The following RASGRF2 variants were observed in gnomAD, a reference collection of about 807,000 sequenced individuals.
RASGRF2 encodes the protein Ras protein specific guanine nucleotide releasing factor 2.
Under a neutral mutation model 151.0 loss-of-function variants are expected in RASGRF2, and 76 were observed. The observed-to-expected ratio is 0.50, with a 90% confidence interval of 0.42 to 0.61. The LOEUF is 0.61. Among genes scored for constraint, RASGRF2 ranks in the 20% least tolerant of loss-of-function variants. RASGRF2 has a pLI of 0.00. For synonymous variants in RASGRF2, 504 were observed against 566.5 expected (o/e 0.89, Z 1.57); for missense variants, 1,148 against 1,564.6 (o/e 0.73, Z 4.49).
chr5:81,183,384 T>C lies in RASGRF2; in HGVS notation c.2793+3103T>C. ...GGAGAATTAAAAAGTTGCAGAAGTG[T>C]GGGGTTAGGGGTTGGTTCTCCAGAG... is the stretch of plus-strand genomic sequence containing the variant. On this transcript the variant is annotated intron_variant, in intron 18 of 26. Coordinates refer to ENST00000265080, the MANE Select transcript of RASGRF2 (RefSeq NM_006909.3). The C allele has an allele frequency of 5.5e-6, 5 of 901,460 alleles. No homozygotes were observed. The South Asian group carries it at 2.5e-4, about 46-fold the overall frequency. The allele number at this position is 901,460 out of a possible 1,614,324, so 55.8% of individuals were successfully genotyped here.
At chr5:81,155,341 A>C (rs543837239) in intron 17 of RASGRF2, among the ~76,000 whole-genome samples, 106 of 152,268 alleles carry the variant, frequency 7.0e-4, no homozygotes, top group African/African-American at 2.4e-3. Flanking sequence ...AAGTAAGGAA[A>C]TATTAGAGCA....
Position 81,080,678 on chromosome 5 carries a change from C to T in RASGRF2, c.1050C>T (p.Leu350=), listed in dbSNP as rs151235741. 2.6e-4 allele frequency: 417 copies of T among 1,614,068 alleles called. No homozygotes were observed. In the African/African-American group the frequency reaches 3.4e-3, roughly 13 times the overall value. Residue 350 remains leucine, a synonymous_variant, in exon 7 of 27, where the codon CTC becomes CTT. Transcript: ENST00000265080. ...ATCACCAGTACAGCCTGCAAGTTCTCGCCAATTGTAAGCAAAACAGAGATT... is the reference window on the plus strand; with the variant it reads ...ATCACCAGTACAGCCTGCAAGTTCTTGCCAATTGTAAGCAAAACAGAGATT... The part of the protein sequence containing the change: ...VRNHQYSLQV[L]ANCKQNRDFD...
chr5:81,175,187 T>C (rs1014939779), intron 17 of RASGRF2, among the ~76,000 whole-genome samples: 1 of 152,214 alleles, frequency 6.6e-6, no homozygotes, highest in African/African-American at 2.4e-5. Flanking sequence ...ATGCAGTTGC[T>C]CTTATGTTGA....
At chr5:81,148,259 G>A (rs1754049971) in intron 17 of RASGRF2, among the ~76,000 whole-genome samples, 1 of 152,092 alleles carries the variant, frequency 6.6e-6, no homozygotes, top group Admixed American at 6.5e-5. Flanking sequence ...GGTTACTTTT[G>A]TTTAGTGGTA....
chr5:80,981,160 T>C (rs1748286501), intron 1 of RASGRF2, among the ~76,000 whole-genome samples: 2 of 152,222 alleles, frequency 1.3e-5, no homozygotes, highest in Admixed American at 1.3e-4. Context: ...TCCATTTCAT[T>C]AAGACTTTTG....
At chr5:81,061,012 A>G (rs998842933) in intron 2 of RASGRF2, among the ~76,000 whole-genome samples, 5 of 151,878 alleles carry the variant, frequency 3.3e-5, no homozygotes, top group African/African-American at 9.7e-5. Context: ...ACATATATAC[A>G]TGTACATGTA....
At chr5:81,078,057 CT>C (rs1467532058) in intron 5 of RASGRF2, among the ~76,000 whole-genome samples, 1 of 152,038 alleles carries the variant, frequency 6.6e-6, no homozygotes, top group Non-Finnish European at 1.5e-5. Context: ...ATTTTTAAAA[CT>C]TTTTTATTTT....
chr5:81,203,612 T>C (rs1755443383), intron 19 of RASGRF2, among the ~76,000 whole-genome samples: 1 of 152,210 alleles, frequency 6.6e-6, no homozygotes, highest in African/African-American at 2.4e-5. Flanking sequence ...ACTACAACAC[T>C]GAGCAGAGTC....
intron 1 of RASGRF2, among the ~76,000 whole-genome samples, chr5:80,976,077 C>G (rs978020384): frequency 6.6e-6 from 1 of 152,192 alleles, no homozygotes; most frequent in Non-Finnish European, 1.5e-5. Context: ...CTCCTGACCT[C>G]AGGTGATCCA....
intron 18 of RASGRF2, among the ~76,000 whole-genome samples, chr5:81,193,328 G>A (rs1755189570): frequency 6.6e-6 from 1 of 152,080 alleles, no homozygotes; most frequent in African/African-American, 2.4e-5. Flanking sequence ...TGATTTTTCT[G>A]GTGTATGATC....
intron 17 of RASGRF2, among the ~76,000 whole-genome samples, chr5:81,158,199 T>G (rs1192832610): frequency 6.6e-6 from 1 of 152,196 alleles, no homozygotes; most frequent in Non-Finnish European, 1.5e-5. Context: ...GGAACTGAAT[T>G]CCAGGATTCT....
intron 4 of RASGRF2, among the ~76,000 whole-genome samples, chr5:81,072,527 A>G (rs1240538358): frequency 6.6e-6 from 1 of 152,232 alleles, no homozygotes; most frequent in Non-Finnish European, 1.5e-5. Context: ...TTTGTTGCTG[A>G]ATCTGCCACA....
rs573524219 is a variant in RASGRF2, at chr5:81,034,515, A to C, written c.289-8362A>C. Among the ~76,000 whole-genome samples the C allele has an allele frequency of 2.8e-4, 42 of 151,946 alleles. 1 individual carries two copies. The highest frequency in any genetic ancestry group is 5.8e-4 in the East Asian group (3 of 5,168). ...ACATGCACACGTATGTTTATTGCGG[A>C]ACTATTCACAATAGCAAAGACTTGG... On this transcript the variant is annotated intron_variant, in intron 1 of 26. Coordinates refer to ENST00000265080, the MANE Select transcript of RASGRF2 (RefSeq NM_006909.3).
chr5:81,145,119 G>A (rs1200352868), intron 17 of RASGRF2, among the ~76,000 whole-genome samples: 1 of 152,058 alleles, frequency 6.6e-6, no homozygotes, highest in Non-Finnish European at 1.5e-5. Context: ...GCATACATCT[G>A]TAATCCCAGC....
At chr5:80,984,346 C>T (rs1262562767) in intron 1 of RASGRF2, among the ~76,000 whole-genome samples, 1 of 152,216 alleles carries the variant, frequency 6.6e-6, no homozygotes, top group East Asian at 1.9e-4. Context: ...AGCCACTGCA[C>T]CTGGCCTCGT....
chr5:80,996,561 C>G (rs199668895), intron 1 of RASGRF2, among the ~76,000 whole-genome samples: 31 of 57,126 alleles, frequency 5.4e-4, no homozygotes, highest in East Asian at 2.3e-3. Context: ...CCCTCCTCCT[C>G]CTCCCCCTCC....
At position 81,201,641 on chromosome 5, in the gene RASGRF2, T is replaced by C. The variant is rs185055577; in HGVS notation, c.2906+199T>C. Reference sequence around the variant, plus strand: ...CAGGAAGACTCGGGACGGGGTGGTATAACTCGTGTGGAGTGCAGTTGCTGT... The same window carrying C: ...CAGGAAGACTCGGGACGGGGTGGTACAACTCGTGTGGAGTGCAGTTGCTGT... On this transcript the variant is annotated intron_variant, in intron 19 of 26. Transcript: ENST00000265080. Among the ~76,000 whole-genome samples the C allele has an allele frequency of 1.2e-3, 182 of 152,314 alleles. 1 individual carries two copies. The highest frequency in any genetic ancestry group is 4.2e-3 in the African/African-American group (176 of 41,564).
At chr5:81,159,178 A>G (rs907096003) in intron 17 of RASGRF2, among the ~76,000 whole-genome samples, 2 of 151,522 alleles carry the variant, frequency 1.3e-5, no homozygotes, top group Non-Finnish European at 2.9e-5. Flanking sequence ...AATAAAAAGG[A>G]ATGAATGACT....
intron 23 of RASGRF2, 141 bp downstream of exon 23, chr5:81,212,704 A>G: frequency 1.3e-6 from 1 of 751,846 alleles, no homozygotes. Flanking sequence ...AACATGGGTA[A>G]TTACAGGGCT....
Sources: allele counts gnomAD v4.1 joint callset (sites outside exome capture counted in the v4.1 genomes callset), GRCh38; gene constraint gnomAD v4.1.1; transcripts MANE v1.5; gene names NCBI Gene and HGNC (gene_info 2026-07-23, HGNC 2026-07-21).